THSD7A: variants seen among roughly 807,000 people sequenced by gnomAD.
THSD7A encodes thrombospondin type 1 domain containing 7A.
Under a neutral mutation model 231.3 loss-of-function variants are expected in THSD7A, and 96 were observed. That is an observed-to-expected ratio of 0.41 (90% CI 0.35 to 0.49). The LOEUF is 0.49. Ranked by LOEUF, THSD7A falls within the 20% of genes least tolerant of loss-of-function variation. THSD7A has a pLI of 0.05. For synonymous variants in THSD7A, 940 were observed against 743.3 expected (o/e 1.26, Z -4.30); for missense variants, 2,290 against 2,070.2 (o/e 1.11, Z -2.06).
chr7:11,673,118 T>C (rs898468679), intron 1 of THSD7A, among the ~76,000 whole-genome samples: 1 of 152,090 alleles, frequency 6.6e-6, no homozygotes, highest in African/African-American at 2.4e-5. Flanking sequence ...ACACAGACAC[T>C]ATGCTTGAAG....
intron 9 of THSD7A, among the ~76,000 whole-genome samples, chr7:11,465,973 T>A (rs560165281): frequency 2.6e-4 from 40 of 152,236 alleles, no homozygotes; most frequent in African/African-American, 9.6e-4. Flanking sequence ...TAAACTACAC[T>A]CCACTTAATA....
chr7:11,509,696 C>T (rs1227192730), intron 6 of THSD7A, among the ~76,000 whole-genome samples: 1 of 150,036 alleles, frequency 6.7e-6, no homozygotes, highest in Admixed American at 6.6e-5. Flanking sequence ...GTGGCGGGTG[C>T]CTGTAGTCCC....
intron 1 of THSD7A, among the ~76,000 whole-genome samples, chr7:11,671,262 G>T (rs1246725567): frequency 6.6e-6 from 1 of 152,164 alleles, no homozygotes; most frequent in African/African-American, 2.4e-5. Context: ...GCTTCTGGTT[G>T]TGCCTCTGGC....
chr7:11,807,402 G>C lies in THSD7A; in HGVS notation c.190+24355C>G, dbSNP rs549561046. On this transcript the variant is annotated intron_variant, in intron 1 of 27. Coordinates refer to ENST00000423059, the MANE Select transcript of THSD7A (RefSeq NM_015204.3). ...GTATTCCCAAATATACTACTTATTT[G>C]GGGTATTAAGAGGGACTATAATTAT... 2.0e-5 allele frequency among the ~76,000 whole-genome samples: 3 copies of C among 152,190 alleles called. No homozygotes were observed. The East Asian group carries it at 5.8e-4, about 29-fold the overall frequency.
intron 1 of THSD7A, among the ~76,000 whole-genome samples, chr7:11,647,257 C>G (rs1435114604): frequency 6.6e-6 from 1 of 151,990 alleles, no homozygotes; most frequent in African/African-American, 2.4e-5. Flanking sequence ...AGAACTACAT[C>G]CTCCAATTCA....
intron 2 of THSD7A, among the ~76,000 whole-genome samples, chr7:11,622,299 TTTG>T (rs1269960530): frequency 6.6e-6 from 1 of 152,044 alleles, no homozygotes; most frequent in East Asian, 1.9e-4. Flanking sequence ...AGGTAAGAAC[TTTG>T]TTTTCTCTTT....
chr7:11,597,784 A>G (rs745778517), intron 2 of THSD7A, among the ~76,000 whole-genome samples: 2 of 152,156 alleles, frequency 1.3e-5, no homozygotes, highest in Non-Finnish European at 1.5e-5. Flanking sequence ...GCAGCATTCC[A>G]TCATCAAATG....
intron 1 of THSD7A, among the ~76,000 whole-genome samples, chr7:11,755,916 A>G (rs16877184): frequency 0.051 from 7,776 of 152,186 alleles, 216 homozygotes; most frequent in East Asian, 0.14. Context: ...AAAGGCAAGG[A>G]AAAATACGCC....
In THSD7A at chr7:11,590,351, C is replaced by G; in HGVS notation, c.1453+109G>C. ...TAGTGAATACCAACCACAATGTGAACAGAAATGCAGCCCTCATAACCTGGA... is the reference window on the plus strand; with the variant it reads ...TAGTGAATACCAACCACAATGTGAAGAGAAATGCAGCCCTCATAACCTGGA... On this transcript the variant is annotated intron_variant, in intron 4 of 27. Coordinates refer to ENST00000423059, the MANE Select transcript of THSD7A (RefSeq NM_015204.3). The surrounding 1 kb of genome is among the most constrained non-coding windows in gnomAD (Gnocchi z 4.4). 1 of 1,134,710 alleles carries G rather than the reference C, an allele frequency of 8.8e-7. No individual in the cohort carries two copies. Among genetic ancestry groups the G allele is most frequent in the Non-Finnish European group, 1.2e-6 (1 of 818,502 alleles). The allele number at this position is 1,134,710 out of a possible 1,614,324, so 70.3% of individuals were successfully genotyped here. A position where few individuals can be genotyped will look rare whatever the true frequency, so the allele number is the denominator to read the frequency against.
chr7:11,466,785 A>C (rs955405331), intron 9 of THSD7A, among the ~76,000 whole-genome samples: 2 of 151,800 alleles, frequency 1.3e-5, no homozygotes, highest in Admixed American at 1.3e-4. Context: ...GCATTTTTGC[A>C]CTCTCTTGCC....
intron 6 of THSD7A, among the ~76,000 whole-genome samples, chr7:11,483,123 G>C (rs888226644): frequency 5.3e-5 from 8 of 152,164 alleles, no homozygotes; most frequent in African/African-American, 1.9e-4. Context: ...GAGAAAGGGT[G>C]ACTCACCTTG....
chr7:11,589,243 T>C (rs892876886), intron 4 of THSD7A, among the ~76,000 whole-genome samples: 27 of 152,152 alleles, frequency 1.8e-4, no homozygotes, highest in Non-Finnish European at 1.8e-4. Flanking sequence ...ATCCAATCCT[T>C]TCCTCTCATC....
intron 16 of THSD7A, among the ~76,000 whole-genome samples, chr7:11,423,306 T>G (rs1784211160): frequency 1.3e-5 from 2 of 151,866 alleles, no homozygotes. Flanking sequence ...CAATCTTAAA[T>G]GCATGAAAGG....
chr7:11,592,965 G>C (rs983680727), intron 3 of THSD7A, among the ~76,000 whole-genome samples: 1 of 151,990 alleles, frequency 6.6e-6, no homozygotes, highest in Non-Finnish European at 1.5e-5. Flanking sequence ...ATAGAGACAC[G>C]TATGGCCTGC....
chr7:11,780,926 G>A lies in THSD7A; in HGVS notation c.190+50831C>T, dbSNP rs552816824. Among the ~76,000 whole-genome samples the A allele has an allele frequency of 2.2e-5, 3 of 138,388 alleles. No homozygotes were observed. In the East Asian group the frequency reaches 6.6e-4, roughly 30 times the overall value. 90.8% of individuals were successfully genotyped at this position (138,388 alleles called of 152,430 possible). A position where few individuals can be genotyped will look rare whatever the true frequency, so the allele number is the denominator to read the frequency against. On this transcript the variant is annotated intron_variant, in intron 1 of 27. Coordinates refer to ENST00000423059, the MANE Select transcript of THSD7A (RefSeq NM_015204.3). ...GAATGGCGTGAACCCGGGAAGCGGA[G>A]CTTGCAGTGAGCCGAGATTGCGCCA...
rs1393676264 is a variant in THSD7A at position 11,637,175 on chromosome 7, TG to T, written c.191-215del. Reference sequence around the variant, plus strand: ...CACAGAGTCTATATAAGGTAACTTCTGGGACAATTTCACTTTGGGTCCTTTA... The same window carrying T: ...CACAGAGTCTATATAAGGTAACTTCTGGACAATTTCACTTTGGGTCCTTTA... On this transcript the variant is annotated intron_variant, in intron 1 of 27. Transcript: ENST00000423059. This position sits in a 1 kb window ranked among gnomAD's most constrained non-coding sequence, Gnocchi z 4.2. Among the ~76,000 whole-genome samples the T allele has an allele frequency of 2.0e-5, 3 of 152,220 alleles. No individual in the cohort carries two copies. Among genetic ancestry groups the T allele is most frequent in the Non-Finnish European group, 2.9e-5 (2 of 68,026 alleles).
At position 11,406,470 on chromosome 7, in the gene THSD7A, G is replaced by T. The variant is rs778209809; in HGVS notation, c.4067C>A (p.Ala1356Asp). ...GQWSPCQVQE[A>D]QCGEGTRTRN... ...TGTTCTGGTCCCTTCTCCACACTGG[G>T]CCTCCTGGAATGGAGGAAGAAATAA... The change falls in exon 22 of 28, where the codon GCC (alanine) becomes GAC (aspartate). Residue 1356 changes from alanine to aspartate, a missense_variant. Transcript: ENST00000423059. This position sits in a 1 kb window ranked among gnomAD's most constrained non-coding sequence, Gnocchi z 4.7. 3 of 1,606,646 alleles carry T rather than the reference G, an allele frequency of 1.9e-6. No homozygotes were observed. The highest frequency in any genetic ancestry group is 1.3e-5 in the African/African-American group (1 of 74,566).
intron 1 of THSD7A, among the ~76,000 whole-genome samples, chr7:11,784,686 A>G (rs1301593058): frequency 1.3e-5 from 2 of 152,146 alleles, no homozygotes; most frequent in Non-Finnish European, 2.9e-5. Context: ...TTTTAAATAT[A>G]CTTATTCTAC....
chr7:11,791,094 G>A (rs1015559827), intron 1 of THSD7A, among the ~76,000 whole-genome samples: 2 of 151,862 alleles, frequency 1.3e-5, no homozygotes. Context: ...CAAGTATAAA[G>A]GAAAACTACA....
Sources: allele counts gnomAD v4.1 joint callset (sites outside exome capture counted in the v4.1 genomes callset), GRCh38; gene constraint gnomAD v4.1.1; non-coding constraint Gnocchi (gnomAD v3.1); transcripts MANE v1.5; gene names NCBI Gene and HGNC (gene_info 2026-07-23, HGNC 2026-07-21).